Variants in SUPT16H observed in about 807,000 individuals in gnomAD.
The protein encoded by SUPT16H is FACT complex subunit SPT16.
In SUPT16H, 24 loss-of-function variants were observed where a neutral mutation model predicts 136.2. The ratio of observed to expected loss-of-function variants is 0.18; its 90% confidence interval spans 0.13 to 0.25. SUPT16H has a LOEUF of 0.25. Among genes scored for constraint, SUPT16H ranks in the 10% least tolerant of loss-of-function variants. The pLI is 1.00. For synonymous variants in SUPT16H, 415 were observed against 428.2 expected, an observed-to-expected ratio of 0.97 and a Z score of 0.38; for missense variants, 623 against 1,270.2, an observed-to-expected ratio of 0.49 and a Z score of 7.74.
intron 1 of SUPT16H, chr14:21,382,995 T>C (rs1887064716): frequency 6.6e-6 from 1 of 152,182 alleles, no homozygotes; most frequent in South Asian, 2.1e-4. Context: ...TAAAAAAAAA[T>C]CTTTATTAGC....
intron 22 of SUPT16H, among the ~76,000 whole-genome samples, chr14:21,356,572 C>T (rs1012392192): frequency 6.6e-6 from 1 of 152,100 alleles, no homozygotes; most frequent in Non-Finnish European, 1.5e-5. Flanking sequence ...AGAATAACCT[C>T]ATCTCTAGTA....
chr14:21,366,385 C>G lies in SUPT16H; in HGVS notation c.1046+54G>C, dbSNP rs1200956448. On this transcript the variant is annotated intron_variant, in intron 8 of 25. Transcript: ENST00000216297. ...TAGCCTAAAGAAATAAGACTGACCA[C>G]TGACAGTCTAACTGAAAACTGACTC... The G allele has an allele frequency of 3.3e-6, 5 of 1,518,222 alleles. No homozygotes were observed. In the Admixed American group the frequency reaches 8.6e-5, roughly 26 times the overall value. The allele number at this position is 1,518,222 out of a possible 1,614,324, so 94.0% of individuals were successfully genotyped here. A position where few individuals can be genotyped will look rare whatever the true frequency, so the allele number is the denominator to read the frequency against.
At chr14:21,368,157 G>T (rs1281959568) in intron 7 of SUPT16H, 112 bp downstream of exon 7, 1 of 1,097,708 alleles carries the variant, frequency 9.1e-7, no homozygotes, top group Non-Finnish European at 1.3e-6. Context: ...GGATTCAAGT[G>T]ATCCTCCTGC....
intron 6 of SUPT16H, among the ~76,000 whole-genome samples, chr14:21,368,791 A>T (rs1274068199): frequency 2.6e-5 from 4 of 152,224 alleles, no homozygotes; most frequent in African/African-American, 9.6e-5. Context: ...AGTTGTAATT[A>T]GTCTTAAGTT....
At position 21,361,232 on chromosome 14, in the gene SUPT16H, A is replaced by G; in HGVS notation, c.1794-19T>C. 6.2e-7 allele frequency: 1 copy of G among 1,609,138 alleles called. No homozygotes were observed. Among genetic ancestry groups the G allele is most frequent in the Non-Finnish European group, 8.5e-7 (1 of 1,178,290 alleles). On this transcript the variant is annotated intron_variant, in intron 15 of 25. Transcript: ENST00000216297. ...GTATGTACTGCAGAAAAGCAACAGC[A>G]TTTATAGACATTTCTTTTTCAGGCC...
chr14:21,364,451 ATGG>A (rs1441164981), intron 10 of SUPT16H, among the ~76,000 whole-genome samples: 1 of 152,204 alleles, frequency 6.6e-6, no homozygotes, highest in Non-Finnish European at 1.5e-5. Flanking sequence ...GATTGTAGTG[ATGG>A]TTACACAAAT....
Position 21,373,346 on chromosome 14 carries a change from C to T in SUPT16H, c.151G>A (p.Ala51Thr), listed in dbSNP as rs1886828640. ...DEEIVYAKST[A>T]LQTWLFGYEL... ...TGCTGTAAATCTCTCACCTGTAAGG[C>T]AGTTGATTTGGCATAAACAATTTCT... is the stretch of plus-strand genomic sequence containing the variant. Residue 51 changes from alanine to threonine, a missense_variant, in exon 2 of 26, where the codon GCC (alanine) becomes ACC (threonine). Around this residue, in one of 7 missense-constraint regions of SUPT16H, gnomAD observed 343 missense variants for 525.7 expected, o/e 0.65. Coordinates refer to ENST00000216297, the MANE Select transcript of SUPT16H (RefSeq NM_007192.4). The T allele has an allele frequency of 1.2e-6, 2 of 1,613,282 alleles. No individual in the cohort carries two copies. The highest frequency in any genetic ancestry group is 1.7e-6 in the Non-Finnish European group (2 of 1,179,194).
chr14:21,376,405 A>G (rs140822582), intron 1 of SUPT16H, among the ~76,000 whole-genome samples: 9 of 152,152 alleles, frequency 5.9e-5, no homozygotes, highest in African/African-American at 1.9e-4. Context: ...AAATGCATAC[A>G]TAAGACTCTT....
chr14:21,375,257 G>GCC (rs71112581), intron 1 of SUPT16H, among the ~76,000 whole-genome samples: 44 of 151,934 alleles, frequency 2.9e-4, no homozygotes, highest in Non-Finnish European at 6.0e-4. Flanking sequence ...CAAGTGATCC[G>GCC]CCCCCACTTG....
intron 25 of SUPT16H, 117 bp from the exon 26 acceptor site, chr14:21,352,935 T>G (rs567036633): frequency 7.4e-7 from 1 of 1,346,232 alleles, no homozygotes; most frequent in East Asian, 2.3e-5. Context: ...GTTTTAATAT[T>G]GGGCAAGTAC....
chr14:21,362,658 G>T, intron 14 of SUPT16H, 136 bp downstream of exon 14: 1 of 1,026,778 alleles, frequency 9.7e-7, no homozygotes, highest in South Asian at 1.7e-5. Context: ...GACAAGACAA[G>T]AGGGATGTCA....
chr14:21,354,608 T>C (rs1248530702), intron 22 of SUPT16H, 68 bp from the exon 23 acceptor site: 76 of 1,575,096 alleles, frequency 4.8e-5, no homozygotes, highest in Non-Finnish European at 6.2e-5. Flanking sequence ...TCTTCTTTTT[T>C]TGAGACAGAG....
At chr14:21,380,728 T>G (rs1887004578) in intron 1 of SUPT16H, among the ~76,000 whole-genome samples, 1 of 152,034 alleles carries the variant, frequency 6.6e-6, no homozygotes. Context: ...GCAGATGAAG[T>G]CAAGGTCCAC....
intron 1 of SUPT16H, chr14:21,383,643 G>A: frequency 1.4e-6 from 1 of 711,050 alleles, no homozygotes; most frequent in Non-Finnish European, 2.6e-6. Context: ...GGCACGCGGG[G>A]AAGATGGTGA....
At chr14:21,359,428 G>T (rs1489145654) in intron 19 of SUPT16H, 56 bp downstream of exon 19, 31 of 1,594,118 alleles carry the variant, frequency 1.9e-5, no homozygotes, top group Non-Finnish European at 2.3e-5. Context: ...CCTGAGCTTG[G>T]ATTTGGCCTC....
chr14:21,381,193 T>C (rs1887015017), intron 1 of SUPT16H, among the ~76,000 whole-genome samples: 2 of 152,156 alleles, frequency 1.3e-5, no homozygotes, highest in African/African-American at 2.4e-5. Flanking sequence ...ACGATTTACT[T>C]AGATACAGGG....
rs1391879016 is a variant in SUPT16H at position 21,352,748 on chromosome 14, A to T, written c.3069T>A (p.Ser1023=). Reference sequence around the variant, plus strand: ...TAGAGCCACGGCCCGAACTGTGCACAGATGCCTTCCTCTTCCGGCTCATAC... The same window carrying T: ...TAGAGCCACGGCCCGAACTGTGCACTGATGCCTTCCTCTTCCGGCTCATAC... The part of the protein sequence containing the change: ...SRSMSRKRKA[S]VHSSGRGSNR... Residue 1023 remains serine, a synonymous_variant, in exon 26 of 26, where the codon TCT becomes TCA. Coordinates refer to ENST00000216297, the MANE Select transcript of SUPT16H (RefSeq NM_007192.4). The T allele has an allele frequency of 1.9e-6, 3 of 1,614,092 alleles. No homozygotes were observed. Among genetic ancestry groups the T allele is most frequent in the Non-Finnish European group, 2.5e-6 (3 of 1,180,004 alleles).
intron 1 of SUPT16H, among the ~76,000 whole-genome samples, chr14:21,374,648 G>T (rs1025968659): frequency 6.6e-6 from 1 of 152,158 alleles, no homozygotes. Flanking sequence ...GTTGTGACAC[G>T]TATCAACACT....
intron 1 of SUPT16H, among the ~76,000 whole-genome samples, chr14:21,376,671 C>T (rs922733975): frequency 3.9e-5 from 6 of 151,930 alleles, no homozygotes; most frequent in South Asian, 2.1e-4. Flanking sequence ...AAGGTAGTGG[C>T]GCCAAACTAC....
Sources: gnomAD v4.1 joint callset for allele counts (sites outside exome capture counted in the v4.1 genomes callset) on GRCh38, gnomAD v4.1.1 for gene constraint, gnomAD v4.1.1 regional missense constraint, MANE v1.5 for transcripts, NCBI Gene and HGNC (gene_info 2026-07-23, HGNC 2026-07-21) for gene names.